The following FHL2 variants were observed in gnomAD, a reference collection of about 807,000 sequenced individuals.
The protein encoded by FHL2 is four and a half LIM domains protein 2.
In FHL2, 20 loss-of-function variants were observed where a neutral mutation model predicts 32.7. The observed-to-expected ratio is 0.61, with a 90% confidence interval of 0.43 to 0.89. The LOEUF (loss-of-function observed/expected upper bound fraction) is 0.89, where lower values mean the gene tolerates loss of function less well. Ranked by LOEUF, FHL2 falls within the 40% of genes least tolerant of loss-of-function variation. The pLI, the probability that FHL2 is intolerant of heterozygous loss-of-function variation, is 0.00. For synonymous variants in FHL2, 123 were observed against 128.1 expected, an observed-to-expected ratio of 0.96 and a Z score of 0.27; for missense variants, 311 against 358.6, an observed-to-expected ratio of 0.87 and a Z score of 1.07.
At chr2:105,423,397 C>A (rs1684164256) in intron 1 of FHL2, among the ~76,000 whole-genome samples, 1 of 152,206 alleles carries the variant, frequency 6.6e-6, no homozygotes, top group Non-Finnish European at 1.5e-5. Context: ...ACAGAGGACA[C>A]ATTTTGCTTG....
chr2:105,409,741 C>T (rs1018976690), intron 1 of FHL2, among the ~76,000 whole-genome samples: 1 of 152,204 alleles, frequency 6.6e-6, no homozygotes, highest in Non-Finnish European at 1.5e-5. Flanking sequence ...GGAGCCATCT[C>T]AGGGCTGGTT....
intron 1 of FHL2, among the ~76,000 whole-genome samples, chr2:105,405,155 T>C (rs935109530): frequency 3.9e-5 from 6 of 152,236 alleles, no homozygotes; most frequent in Admixed American, 2.6e-4. Context: ...GAGATCTCTT[T>C]GTCTCTGATT....
At chr2:105,383,698 C>T (rs1417444547) in intron 3 of FHL2, among the ~76,000 whole-genome samples, 4 of 152,180 alleles carry the variant, frequency 2.6e-5, no homozygotes, top group African/African-American at 4.8e-5. Context: ...GGTATCTCCC[C>T]GCCTGCCAGG....
At chr2:105,430,296 TCTC>T (rs1684390600) in intron 1 of FHL2, among the ~76,000 whole-genome samples, 1 of 152,150 alleles carries the variant, frequency 6.6e-6, no homozygotes, top group Non-Finnish European at 1.5e-5. Flanking sequence ...TGTCTGATCT[TCTC>T]CTGTCCTCCT....
At chr2:105,430,820 C>T (rs540696458) in intron 1 of FHL2, among the ~76,000 whole-genome samples, 1 of 152,174 alleles carries the variant, frequency 6.6e-6, no homozygotes, top group East Asian at 1.9e-4. Context: ...AAAAGACTGC[C>T]CCATACAGAG....
intron 1 of FHL2, among the ~76,000 whole-genome samples, chr2:105,436,288 G>T (rs1684608153): frequency 6.6e-6 from 1 of 152,110 alleles, no homozygotes; most frequent in Non-Finnish European, 1.5e-5. Flanking sequence ...ATTCAAAAGG[G>T]ACCAGTAATA....
intron 1 of FHL2, among the ~76,000 whole-genome samples, chr2:105,426,245 A>G (rs1684266238): frequency 6.6e-6 from 1 of 152,192 alleles, no homozygotes; most frequent in Admixed American, 6.5e-5. Context: ...AGAACTTTCC[A>G]GCTTTCTAAA....
At chr2:105,430,184 G>A (rs767370961) in intron 1 of FHL2, among the ~76,000 whole-genome samples, 3 of 152,206 alleles carry the variant, frequency 2.0e-5, no homozygotes, top group Non-Finnish European at 4.4e-5. Context: ...CCAGTGATAG[G>A]CATCGTTGGG....
chr2:105,372,736 T>C (rs1406422554), intron 4 of FHL2, among the ~76,000 whole-genome samples: 1 of 151,658 alleles, frequency 6.6e-6, no homozygotes, highest in Admixed American at 6.6e-5. Context: ...TTGCAGTGAG[T>C]CAAGATTGCA....
upstream of FHL2, among the ~76,000 whole-genome samples, chr2:105,401,306 G>A (rs1000650284): frequency 5.3e-5 from 8 of 152,002 alleles, no homozygotes; most frequent in African/African-American, 1.9e-4. Context: ...ATTATGCCTG[G>A]AGTTGTTTCA....
At chr2:105,392,304 C>T (rs1157877331) in intron 2 of FHL2, among the ~76,000 whole-genome samples, 1 of 152,146 alleles carries the variant, frequency 6.6e-6, no homozygotes, top group Admixed American at 6.5e-5. Flanking sequence ...GAAACCCCAT[C>T]TCTACAAAAA....
rs543548299 is a variant in FHL2 at position 105,397,182 on chromosome 2, C to T, written c.-75-485G>A. 1.1e-3 allele frequency among the ~76,000 whole-genome samples: 167 copies of T among 152,102 alleles called. 2 individuals carry two copies. The highest frequency in any genetic ancestry group is 2.4e-3 in the Admixed American group (36 of 15,282). The stretch of plus-strand genomic sequence containing the variant: ...AAAAATAAATAAATATTCAAATGTT[C>T]CTCCCGTGGTGCGTTTAGTGGTTAG... On this transcript the variant is annotated intron_variant, in intron 1 of 6. Coordinates refer to ENST00000530340, the MANE Select transcript of FHL2 (RefSeq NM_001318895.3).
At chr2:105,375,120 C>T (rs1376718770) in intron 3 of FHL2, 6 of 149,114 alleles carry the variant, frequency 4.0e-5, no homozygotes, top group Non-Finnish European at 5.9e-5. Context: ...AAACAGTTCT[C>T]TTTTGCTGAA....
In FHL2 at chr2:105,363,322, A is replaced by G. The variant is rs1045935903; in HGVS notation, c.651T>C (p.Tyr217=). ...TGGTGCACCCAGCACACTTCTTGGC[A>G]TACAAGTCACAGAAGCAGTTCAGGC... The part of the protein sequence containing the change: ...AYCLNCFCDL[Y]AKKCAGCTNP... The change falls in exon 6 of 7, where the codon TAT becomes TAC. Residue 217 remains tyrosine (Y), a synonymous_variant. Coordinates refer to ENST00000530340, the MANE Select transcript of FHL2 (RefSeq NM_001318895.3). The G allele has an allele frequency of 1.9e-6, 3 of 1,614,068 alleles. No individual in the cohort carries two copies. The African/African-American group carries it at 4.0e-5, about 22-fold the overall frequency.
chr2:105,416,184 T>TA (rs143867714), intron 1 of FHL2, among the ~76,000 whole-genome samples: 4,334 of 152,308 alleles, frequency 0.028, 114 homozygotes, highest in African/African-American at 0.061. Context: ...AAATTAACAT[T>TA]AAATCCGTAA....
intron 2 of FHL2, chr2:105,390,096 G>T (rs539308031): frequency 6.5e-6 from 1 of 152,796 alleles, no homozygotes; most frequent in African/African-American, 2.4e-5. Flanking sequence ...TCCGGGTGTG[G>T]TGGCGGGCAC....
intron 1 of FHL2, among the ~76,000 whole-genome samples, chr2:105,425,431 C>T (rs1469879923): frequency 3.3e-5 from 5 of 152,100 alleles, no homozygotes; most frequent in Admixed American, 2.6e-4. Context: ...GAAATATGGC[C>T]TTGTGGGATG....
At chr2:105,418,913 T>C (rs912674733) in intron 1 of FHL2, among the ~76,000 whole-genome samples, 1 of 152,248 alleles carries the variant, frequency 6.6e-6, no homozygotes, top group Non-Finnish European at 1.5e-5. Context: ...AAATTTATCA[T>C]ATGTATGTAT....
chr2:105,378,987 A>G (rs965826006), intron 3 of FHL2: 3 of 152,184 alleles, frequency 2.0e-5, no homozygotes, highest in East Asian at 1.9e-4. Context: ...GAGGTCCCAC[A>G]GTCCACATCT....
Sources: allele counts gnomAD v4.1 joint callset (sites outside exome capture counted in the v4.1 genomes callset), GRCh38; gene constraint gnomAD v4.1.1; transcripts MANE v1.5; gene names NCBI Gene and HGNC (gene_info 2026-07-23, HGNC 2026-07-21).